The following FHIT variants were observed in gnomAD, a reference collection of about 807,000 sequenced individuals.
The protein encoded by FHIT is fragile histidine triad diadenosine triphosphatase.
FHIT carries 19 observed loss-of-function variants against 17.9 expected under a neutral mutation model. The ratio of observed to expected loss-of-function variants is 1.06; its 90% CI spans 0.74 to 1.56. The LOEUF is 1.56. FHIT is among the 40% of genes most tolerant of loss of function. The pLI, the probability that FHIT is intolerant of heterozygous loss-of-function variation, is 0.00. For synonymous variants in FHIT, 81 were observed against 69.7 expected (o/e 1.16, Z -0.81); for missense variants, 248 against 189.2 (o/e 1.31, Z -1.82).
chr3:61,100,299 G>T (rs1052567992), intron 2 of FHIT, among the ~76,000 whole-genome samples: 6 of 152,300 alleles, frequency 3.9e-5, no homozygotes, highest in East Asian at 1.9e-4. Flanking sequence ...CTATGAGTGA[G>T]AACATGCGGT....
At chr3:61,205,286 G>A (rs1418927045) in intron 1 of FHIT, among the ~76,000 whole-genome samples, 5 of 152,034 alleles carry the variant, frequency 3.3e-5, no homozygotes, top group South Asian at 2.1e-4. Context: ...AAACATACGT[G>A]TGCATGTGTC....
At chr3:61,181,897 A>AT (rs1288765191) in intron 2 of FHIT, among the ~76,000 whole-genome samples, 1 of 152,184 alleles carries the variant, frequency 6.6e-6, no homozygotes, top group Non-Finnish European at 1.5e-5. Flanking sequence ...TTTCTGTTCT[A>AT]TAAGTGTATG....
intron 7 of FHIT, among the ~76,000 whole-genome samples, chr3:60,000,624 C>A (rs367975184): frequency 4.4e-4 from 67 of 152,056 alleles, no homozygotes; most frequent in African/African-American, 1.4e-3. Context: ...GAGGGACAAC[C>A]ACAGTGCCTA....
chr3:60,375,250 C>T (rs981550108), intron 5 of FHIT, among the ~76,000 whole-genome samples: 1 of 151,876 alleles, frequency 6.6e-6, no homozygotes, highest in Non-Finnish European at 1.5e-5. Flanking sequence ...CCCAGTAGAA[C>T]TTGGTTTTGT....
chr3:61,085,369 A>G lies in FHIT; in HGVS notation c.-163-43270T>C, dbSNP rs796583338. 5.6e-4 allele frequency among the ~76,000 whole-genome samples: 85 copies of G among 152,260 alleles called. 1 individual carries two copies. Among genetic ancestry groups the G allele is most frequent in the African/African-American group, 1.9e-3 (81 of 41,574 alleles). ...ATAAATTGGTATTTCAATGTGGTAT[A>G]TAATAATATTTCATACTATTCCTCT... On this transcript the variant is annotated intron_variant, in intron 2 of 9. Transcript: ENST00000492590.
At chr3:60,301,609 T>G (rs1441777096) in intron 5 of FHIT, among the ~76,000 whole-genome samples, 1 of 152,164 alleles carries the variant, frequency 6.6e-6, no homozygotes, top group African/African-American at 2.4e-5. Flanking sequence ...ACCCCCCAGT[T>G]TCCCTGGTGT....
intron 5 of FHIT, among the ~76,000 whole-genome samples, chr3:60,242,839 A>C (rs1705203838): frequency 6.6e-6 from 1 of 151,998 alleles, no homozygotes; most frequent in African/African-American, 2.4e-5. Flanking sequence ...GTTCATATAT[A>C]TATATTTATA....
intron 4 of FHIT, among the ~76,000 whole-genome samples, chr3:60,612,995 T>C (rs1381527884): frequency 2.0e-5 from 3 of 152,290 alleles, no homozygotes; most frequent in South Asian, 2.1e-4. Context: ...ATTTAGAGGA[T>C]TAACAGCCAA....
intron 3 of FHIT, among the ~76,000 whole-genome samples, chr3:61,021,701 C>T (rs1212579773): frequency 6.6e-6 from 1 of 151,390 alleles, no homozygotes; most frequent in Admixed American, 6.6e-5. Flanking sequence ...TCCCTAAAAA[C>T]CGCACAACTA....
chr3:60,099,246 T>C (rs553081613), intron 5 of FHIT, among the ~76,000 whole-genome samples: 6 of 152,278 alleles, frequency 3.9e-5, no homozygotes, highest in African/African-American at 1.2e-4. Context: ...AACTTATCCA[T>C]CTACCAACCA....
chr3:59,752,558 TATG>T (rs1700975673), intron 8 of FHIT, among the ~76,000 whole-genome samples: 1 of 152,148 alleles, frequency 6.6e-6, no homozygotes, highest in Non-Finnish European at 1.5e-5. Context: ...GGGGTGATGA[TATG>T]ATATAGGTCT....
intron 3 of FHIT, among the ~76,000 whole-genome samples, chr3:60,866,997 G>T (rs1704191975): frequency 6.6e-6 from 1 of 152,116 alleles, no homozygotes; most frequent in Admixed American, 6.6e-5. Context: ...ATGAGCAGAA[G>T]CCAGGAAATT....
intron 5 of FHIT, among the ~76,000 whole-genome samples, chr3:60,371,329 C>T (rs1033551268): frequency 4.6e-5 from 7 of 151,942 alleles, no homozygotes; most frequent in African/African-American, 1.7e-4. Context: ...CTTTTTTATG[C>T]TACAACCATT....
chr3:59,930,399 A>C (rs558575763), intron 7 of FHIT, among the ~76,000 whole-genome samples: 2 of 152,288 alleles, frequency 1.3e-5, no homozygotes, highest in Admixed American at 6.5e-5. Flanking sequence ...TGCTGAACCG[A>C]AAGTTCAAGT....
chr3:60,933,006 G>T (rs560246910), intron 3 of FHIT, among the ~76,000 whole-genome samples: 29 of 152,232 alleles, frequency 1.9e-4, no homozygotes, highest in African/African-American at 6.7e-4. Context: ...TGCTCGTGGA[G>T]AATTTGTAAT....
In FHIT at chr3:60,146,669, T is replaced by A. The variant is rs571762787; in HGVS notation, c.104-132517A>T. ...TGGATGAGGCAGGACTCGCCTGAAA[T>A]GGGGTAAGTGTAGCCCTCCTAAGAA... On this transcript the variant is annotated intron_variant, in intron 5 of 9. Coordinates refer to ENST00000492590, the MANE Select transcript of FHIT (RefSeq NM_002012.4). Among the ~76,000 whole-genome samples the A allele has an allele frequency of 2.0e-5, 3 of 152,228 alleles. No homozygotes were observed. In the South Asian group the frequency reaches 6.2e-4, roughly 32 times the overall value.
chr3:61,163,796 C>T (rs554445274), intron 2 of FHIT, among the ~76,000 whole-genome samples: 2 of 152,288 alleles, frequency 1.3e-5, no homozygotes, highest in East Asian at 1.9e-4. Flanking sequence ...TAAAAATATA[C>T]AAGTTTCCCT....
intron 5 of FHIT, among the ~76,000 whole-genome samples, chr3:60,277,224 A>G (rs1707188342): frequency 6.6e-6 from 1 of 152,156 alleles, no homozygotes; most frequent in Non-Finnish European, 1.5e-5. Flanking sequence ...TGTGAGGGAC[A>G]TATAAAGAAG....
At chr3:61,245,469 T>C (rs1041738329) in intron 1 of FHIT, among the ~76,000 whole-genome samples, 6 of 152,174 alleles carry the variant, frequency 3.9e-5, no homozygotes, top group South Asian at 2.1e-4. Context: ...TACTTGCTAC[T>C]CAAAGGACGA....
Sources: allele counts gnomAD v4.1 joint callset (sites outside exome capture counted in the v4.1 genomes callset), GRCh38; gene constraint gnomAD v4.1.1; transcripts MANE v1.5; gene names NCBI Gene and HGNC (gene_info 2026-07-23, HGNC 2026-07-21).